Variants in ADAMTSL1 observed in about 807,000 individuals in gnomAD.
The protein encoded by ADAMTSL1 is ADAMTS like 1.
A neutral mutation model predicts 201.8 loss-of-function variants in ADAMTSL1; 126 were observed. The ratio of observed to expected loss-of-function variants is 0.62; its 90% CI spans 0.54 to 0.72. The LOEUF (loss-of-function observed/expected upper bound fraction) is 0.72. ADAMTSL1 is among the 30% of genes least tolerant of loss of function. The pLI is 0.00. For synonymous variants in ADAMTSL1, 1,121 were observed against 903.4 expected (o/e 1.24, Z -4.32); for missense variants, 2,679 against 2,277.8 (o/e 1.18, Z -3.59).
intron 2 of ADAMTSL1, among the ~76,000 whole-genome samples, chr9:18,513,851 A>G (rs1162133797): frequency 6.6e-6 from 1 of 152,182 alleles, no homozygotes; most frequent in Non-Finnish European, 1.5e-5. Flanking sequence ...GTGTCTTTAC[A>G]CTGGCATATC....
intron 2 of ADAMTSL1, among the ~76,000 whole-genome samples, chr9:18,205,640 C>G (rs1829619403): frequency 6.6e-6 from 1 of 152,142 alleles, no homozygotes. Context: ...CTATGCTCTT[C>G]CTGTACTTCA....
At chr9:18,053,168 G>C (rs919351669) in intron 1 of ADAMTSL1, among the ~76,000 whole-genome samples, 1 of 152,178 alleles carries the variant, frequency 6.6e-6, no homozygotes, top group Non-Finnish European at 1.5e-5. Flanking sequence ...GCCTGAGAAT[G>C]CAGGTTGGAC....
intron 1 of ADAMTSL1, among the ~76,000 whole-genome samples, chr9:18,475,896 G>A (rs1017819963): frequency 6.6e-6 from 1 of 151,912 alleles, no homozygotes; most frequent in Non-Finnish European, 1.5e-5. Flanking sequence ...AGATTGTTTT[G>A]CTATCCATTT....
intron 19 of ADAMTSL1, among the ~76,000 whole-genome samples, chr9:18,779,802 C>G (rs778550155): frequency 4.6e-5 from 7 of 152,162 alleles, no homozygotes; most frequent in Non-Finnish European, 4.4e-5. Context: ...TATCGGTGCA[C>G]CTGCTGTACC....
intron 1 of ADAMTSL1, among the ~76,000 whole-genome samples, chr9:18,039,037 T>C (rs1438441266): frequency 6.6e-6 from 1 of 152,130 alleles, no homozygotes; most frequent in East Asian, 1.9e-4. Flanking sequence ...AACCCAGATA[T>C]ATATGAAACG....
intron 1 of ADAMTSL1, among the ~76,000 whole-genome samples, chr9:18,038,479 C>T (rs1261015718): frequency 2.6e-5 from 4 of 152,122 alleles, no homozygotes; most frequent in Admixed American, 6.5e-5. Context: ...ATTTTGAAAG[C>T]ATAAAACACA....
intron 1 of ADAMTSL1, among the ~76,000 whole-genome samples, chr9:18,149,795 A>T (rs1186924761): frequency 1.3e-5 from 2 of 152,088 alleles, no homozygotes; most frequent in Non-Finnish European, 2.9e-5. Context: ...AGAATGCTAT[A>T]GTTGTCCAGG....
chr9:18,772,561 G>C (rs1335516835), intron 17 of ADAMTSL1, among the ~76,000 whole-genome samples: 1 of 152,124 alleles, frequency 6.6e-6, no homozygotes, highest in Non-Finnish European at 1.5e-5. Flanking sequence ...ATAACCTTGG[G>C]CTAATTATTT....
intron 2 of ADAMTSL1, among the ~76,000 whole-genome samples, chr9:18,233,172 A>G (rs748234496): frequency 6.6e-6 from 1 of 152,200 alleles, no homozygotes; most frequent in Non-Finnish European, 1.5e-5. Flanking sequence ...GCACACACAC[A>G]AAAAGGAAGG....
chr9:18,772,345 C>T (rs535487057), intron 17 of ADAMTSL1, among the ~76,000 whole-genome samples: 2 of 152,258 alleles, frequency 1.3e-5, no homozygotes, highest in East Asian at 1.9e-4. Flanking sequence ...GCCTTTGAAG[C>T]ATATGAGACA....
intron 2 of ADAMTSL1, among the ~76,000 whole-genome samples, chr9:18,229,319 G>T (rs957922906): frequency 1.3e-5 from 2 of 152,062 alleles, no homozygotes; most frequent in Admixed American, 6.5e-5. Flanking sequence ...GAATTAGGAC[G>T]TTTCTGGTAG....
chr9:18,681,704 G>GGAT, intron 11 of ADAMTSL1, 108 bp from the exon 12 acceptor site: 2 of 716,348 alleles, frequency 2.8e-6, no homozygotes, highest in Non-Finnish European at 4.0e-6. Context: ...GTGTGGGGGG[G>GGAT]GGGGGCGGGG....
intron 2 of ADAMTSL1, among the ~76,000 whole-genome samples, chr9:18,218,645 C>A (rs1271264871): frequency 6.6e-6 from 1 of 152,010 alleles, no homozygotes; most frequent in African/African-American, 2.4e-5. Flanking sequence ...GATTTATATG[C>A]ATTCTTTAAA....
chr9:18,130,284 C>T (rs1428873056), intron 1 of ADAMTSL1, among the ~76,000 whole-genome samples: 1 of 152,116 alleles, frequency 6.6e-6, no homozygotes, highest in Non-Finnish European at 1.5e-5. Context: ...GCTTTCTGGC[C>T]TGGAAGAAAC....
chr9:18,438,865 T>C (rs967788151), intron 2 of ADAMTSL1, among the ~76,000 whole-genome samples: 1 of 152,074 alleles, frequency 6.6e-6, no homozygotes, highest in African/African-American at 2.4e-5. Context: ...TCCCCAAGTG[T>C]GCACGGTCCA....
chr9:18,873,789 A>C (rs538523431), intron 23 of ADAMTSL1, among the ~76,000 whole-genome samples: 1 of 152,030 alleles, frequency 6.6e-6, no homozygotes, highest in South Asian at 2.1e-4. Flanking sequence ...GCTCTTTTTT[A>C]GTTACATATG....
chr9:18,789,588 T>A (rs995975809), intron 19 of ADAMTSL1, among the ~76,000 whole-genome samples: 1 of 152,222 alleles, frequency 6.6e-6, no homozygotes, highest in Non-Finnish European at 1.5e-5. Flanking sequence ...AAGAGAGAAC[T>A]ATGAATGAGA....
chr9:18,842,395 C>A (rs1825778285), intron 23 of ADAMTSL1, among the ~76,000 whole-genome samples: 1 of 152,126 alleles, frequency 6.6e-6, no homozygotes, highest in African/African-American at 2.4e-5. Context: ...GCACTGTGGT[C>A]TGAGGGACAG....
intron 2 of ADAMTSL1, among the ~76,000 whole-genome samples, chr9:18,454,630 G>A (rs375103673): frequency 6.6e-5 from 10 of 152,218 alleles, no homozygotes; most frequent in Admixed American, 4.6e-4. Flanking sequence ...GTGCTACCAG[G>A]TCAGGATTCC....
Sources: gnomAD v4.1 joint callset for allele counts (sites outside exome capture counted in the v4.1 genomes callset) on GRCh38, gnomAD v4.1.1 for gene constraint, MANE v1.5 for transcripts, NCBI Gene and HGNC (gene_info 2026-07-23, HGNC 2026-07-21) for gene names.